DISP3: variants seen among roughly 807,000 people sequenced by gnomAD.
The protein encoded by DISP3 is dispatched RND transporter family member 3.
A neutral mutation model predicts 135.3 loss-of-function variants in DISP3; 101 were observed. The observed-to-expected ratio is 0.75, with a 90% CI of 0.64 to 0.88. The LOEUF is 0.88. Among genes scored for constraint, DISP3 ranks in the 40% least tolerant of loss-of-function variants. The probability of loss-of-function intolerance (pLI) is 0.00; values close to 1 mark genes in which losing one functional copy is unlikely to be tolerated. For synonymous variants in DISP3, 856 were observed against 817.0 expected (o/e 1.05, Z -0.81); for missense variants, 1,713 against 1,878.6 (o/e 0.91, Z 1.63).
chr1:11,519,258 G>A lies in DISP3; in HGVS notation c.1890-97G>A. 1 of 1,405,044 alleles carries A rather than the reference G, an allele frequency of 7.1e-7. No homozygotes were observed. Among genetic ancestry groups the A allele is most frequent in the Non-Finnish European group, 9.8e-7 (1 of 1,021,966 alleles). 87.0% of individuals were successfully genotyped at this position (1,405,044 alleles called of 1,614,324 possible). ...TCCTGTGTGTGACGTCAGCAGCACT[G>A]TGATACCTGGGTTCATCTGATCCTC... On this transcript the variant is annotated intron_variant, in intron 7 of 20. Transcript: ENST00000294484. The surrounding 1 kb of genome is among the most constrained non-coding windows in gnomAD (Gnocchi z 4.3).
At position 11,535,559 on chromosome 1, in the gene DISP3, T is replaced by C; in HGVS notation, c.3731T>C (p.Leu1244Pro). Reference protein sequence around the residue: ...GAVEAISLSILVGSSVDYCVH... With the variant: ...GAVEAISLSIPVGSSVDYCVH... ...GTGGAAGCCATCTCCCTGTCCATCC[T>C]CGTTGGCTCCTCCGTGGATTACTGC... Residue 1244 changes from leucine (L) to proline (P), a missense_variant, in exon 20 of 21, where the codon CTC (leucine) becomes CCC (proline). Physicochemically the swap from Leu to Pro is moderately conservative, Grantham distance 98. This residue lies in a region of DISP3 where 1,142 missense variants were observed against 1,384.6 expected (regional missense o/e 0.82). Coordinates refer to ENST00000294484, the MANE Select transcript of DISP3 (RefSeq NM_020780.2). 1 of 1,613,388 alleles carries C rather than the reference T, an allele frequency of 6.2e-7. No individual in the cohort carries two copies. The highest frequency in any genetic ancestry group is 8.5e-7 in the Non-Finnish European group (1 of 1,179,910).
chr1:11,514,786 C>T (rs978514788), intron 4 of DISP3, among the ~76,000 whole-genome samples: 1 of 152,240 alleles, frequency 6.6e-6, no homozygotes, highest in East Asian at 1.9e-4. Flanking sequence ...GACCATCTTT[C>T]TCCTATTGAT....
Position 11,524,022 on chromosome 1 carries a change from C to G in DISP3, c.2443C>G (p.Pro815Ala). The stretch of plus-strand genomic sequence containing the variant: ...GAAGAAGAGGCGAGGCTCAGGGGTC[C>G]CCTGGGCTAGCCGGCCTGAGGCCAC... Reference protein sequence around the residue: ...LEKKRRGSGVPWASRPEATLQ... With the variant: ...LEKKRRGSGVAWASRPEATLQ... Residue 815 changes from proline (P) to alanine (A), a missense_variant, in exon 11 of 21, where the codon CCC (proline) becomes GCC (alanine). Pro to Ala is a conservative substitution (Grantham distance 27). Around this residue, in one of 2 missense-constraint regions of DISP3, gnomAD observed 1,142 missense variants for 1,384.6 expected, o/e 0.82. Transcript: ENST00000294484. 6.2e-7 allele frequency: 1 copy of G among 1,613,458 alleles called. No individual in the cohort carries two copies. Among genetic ancestry groups the G allele is most frequent in the Non-Finnish European group, 8.5e-7 (1 of 1,179,824 alleles).
rs555865726 is a variant in DISP3 at position 11,488,054 on chromosome 1, G to T, written c.-4+8682G>T. On this transcript the variant is annotated intron_variant, in intron 1 of 20. Coordinates refer to ENST00000294484, the MANE Select transcript of DISP3 (RefSeq NM_020780.2). ...GGATAACACTCCACCATTGAGCAGG[G>T]TGGGGGTGTGAGGGAAGCAGTCTGA... Among the ~76,000 whole-genome samples, 291 of 152,308 alleles carry T rather than the reference G, an allele frequency of 1.9e-3. 1 individual carries two copies. The highest frequency in any genetic ancestry group is 3.0e-3 in the Non-Finnish European group (202 of 68,028).
At chr1:11,507,370 A>G (rs1404175870) in intron 3 of DISP3, among the ~76,000 whole-genome samples, 1 of 152,176 alleles carries the variant, frequency 6.6e-6, no homozygotes, top group Non-Finnish European at 1.5e-5. Context: ...TTTATCTCTC[A>G]AAAGCTGCTA....
rs1570092507 is a variant in DISP3, at chr1:11,502,753, A to G, written c.1172A>G (p.Lys391Arg). Residue 391 changes from lysine to arginine, a missense_variant, in exon 3 of 21, where the codon AAG becomes AGG. Around this residue, in one of 2 missense-constraint regions of DISP3, gnomAD observed 1,142 missense variants for 1,384.6 expected, o/e 0.82. Transcript: ENST00000294484. ...VDEGLSADNL[K>R]SSLLRSEILF... is the part of the protein sequence containing the mutation. Reference sequence around the variant, plus strand: ...GAGGGCCTCTCTGCAGACAATCTGAAGAGCTCCCTCCTGCGCAGTGAGATC... The same window carrying G: ...GAGGGCCTCTCTGCAGACAATCTGAGGAGCTCCCTCCTGCGCAGTGAGATC... 6.2e-7 allele frequency: 1 copy of G among 1,614,164 alleles called. No homozygotes were observed. The highest frequency in any genetic ancestry group is 8.5e-7 in the Non-Finnish European group (1 of 1,180,018).
chr1:11,482,006 T>A (rs1001659171), intron 1 of DISP3: 1 of 152,146 alleles, frequency 6.6e-6, no homozygotes, highest in Admixed American at 6.5e-5. Context: ...CTGGTAGATG[T>A]GTGGTGAATG....
At position 11,484,942 on chromosome 1, in the gene DISP3, CT is replaced by C. The variant is rs1304151944; in HGVS notation, c.-4+5571del. Reference sequence around the variant, plus strand: ...CTCACAAGCATCTGCCTGAGTAGTCCTACTGTGTGCCAGGTGTGGGCTTGTA... The same window carrying C: ...CTCACAAGCATCTGCCTGAGTAGTCCACTGTGTGCCAGGTGTGGGCTTGTA... On this transcript the variant is annotated intron_variant, in intron 1 of 20. Coordinates refer to ENST00000294484, the MANE Select transcript of DISP3 (RefSeq NM_020780.2). Among the ~76,000 whole-genome samples the C allele has an allele frequency of 2.6e-5, 4 of 152,228 alleles. No individual in the cohort carries two copies. The East Asian group carries it at 7.7e-4, about 29-fold the overall frequency.
rs1642118236 is a variant in DISP3 at position 11,519,628 on chromosome 1, C to T, written c.2039-91C>T. The T allele has an allele frequency of 1.3e-6, 2 of 1,570,092 alleles. No homozygotes were observed. Among genetic ancestry groups the T allele is most frequent in the African/African-American group, 1.3e-5 (1 of 74,294 alleles). On this transcript the variant is annotated intron_variant, in intron 8 of 20. Coordinates refer to ENST00000294484, the MANE Select transcript of DISP3 (RefSeq NM_020780.2). This position sits in a 1 kb window ranked among gnomAD's most constrained non-coding sequence, Gnocchi z 4.3. ...CCGGACAAGATGGCCTGTGGGCTTC[C>T]TCACCAGGCATCTGGGCTTCCCTGG... is the stretch of plus-strand genomic sequence containing the variant.
In DISP3 at chr1:11,526,768, G is replaced by C. The variant is rs1316776800; in HGVS notation, c.2731G>C (p.Asp911His). The change falls in exon 13 of 21, where the codon GAT (aspartate) becomes CAT (histidine). Residue 911 changes from aspartate to histidine, a missense_variant. Around this residue, in one of 2 missense-constraint regions of DISP3, gnomAD observed 1,142 missense variants for 1,384.6 expected, o/e 0.82. Transcript: ENST00000294484. ...GTGGATGCTGACGACCTTGGCCTGT[G>C]ATGCCAAGCGGGGCTGGAAGTTTGA... ...RKWMLTTLAC[D>H]AKRGWKFDFS... 1 of 1,613,680 alleles carries C rather than the reference G, an allele frequency of 6.2e-7. No homozygotes were observed.
At position 11,501,328 on chromosome 1, in the gene DISP3, C is replaced by T; in HGVS notation, c.336C>T (p.Asn112=). 1 of 1,614,000 alleles carries T rather than the reference C, an allele frequency of 6.2e-7. No homozygotes were observed. The highest frequency in any genetic ancestry group is 1.3e-5 in the African/African-American group (1 of 75,074). ...CCTACAACGCCTTTGAGATCCGCAA[C>T]CACGAGGCCTCACAGCGTTTCGACG... The part of the protein sequence containing the change: ...DISYNAFEIR[N]HEASQRFDAL... Residue 112 remains asparagine (N), a synonymous_variant, in exon 2 of 21, where the codon AAC becomes AAT. Coordinates refer to ENST00000294484, the MANE Select transcript of DISP3 (RefSeq NM_020780.2). The surrounding 1 kb of genome is among the most constrained non-coding windows in gnomAD (Gnocchi z 4.9).
At position 11,534,506 on chromosome 1, in the gene DISP3, C is replaced by A; in HGVS notation, c.3501C>A (p.Cys1167Ter). The change falls in exon 18 of 21, where the codon TGC becomes TGA. Residue 1167 changes from cysteine to a stop codon, truncating the protein, a stop_gained. Coordinates refer to ENST00000294484, the MANE Select transcript of DISP3 (RefSeq NM_020780.2). LOFTEE classifies it high-confidence loss of function. ...GSVLRRGFQT[C>*]EHWKQIFMEI... ...TCCTGCGCCGGGGCTTCCAGACCTG[C>A]GAGCACTGGAAGCAGATATTCATGG... 1.2e-6 allele frequency: 2 copies of A among 1,612,476 alleles called. No individual in the cohort carries two copies. Among genetic ancestry groups the A allele is most frequent in the Non-Finnish European group, 1.7e-6 (2 of 1,178,912 alleles).
At chr1:11,515,176 G>A (rs1413670097) in intron 4 of DISP3, among the ~76,000 whole-genome samples, 193 bp from the exon 5 acceptor site, 1 of 152,244 alleles carries the variant, frequency 6.6e-6, no homozygotes. Context: ...TCTGCCACTT[G>A]GGCCTCCTGC....
Position 11,525,306 on chromosome 1 carries a change from C to T in DISP3, c.2607C>T (p.Ser869=), listed in dbSNP as rs1642381559. Residue 869 remains serine, a synonymous_variant, in exon 12 of 21, where the codon TCC becomes TCT. Transcript: ENST00000294484. Reference sequence around the variant, plus strand: ...CGCCTGGGGATGGAGAGGTGCCCTCCTTCCAGGTGAGCCTGGGCTGTCGTG... The same window carrying T: ...CGCCTGGGGATGGAGAGGTGCCCTCTTTCCAGGTGAGCCTGGGCTGTCGTG... ...AVSPGDGEVP[S]FQVYRAPFGN... is the part of the protein sequence containing the mutation. 1.2e-6 allele frequency: 2 copies of T among 1,613,070 alleles called. No homozygotes were observed. Among genetic ancestry groups the T allele is most frequent in the South Asian group, 1.1e-5 (1 of 91,070 alleles).
At chr1:11,535,344 T>G (rs926521915) in intron 19 of DISP3, 134 bp from the exon 20 acceptor site, 1 of 1,287,844 alleles carries the variant, frequency 7.8e-7, no homozygotes. Context: ...ACCTGTCCCC[T>G]CCCTCAGGGG....
At chr1:11,494,781 G>A (rs910166193) in intron 1 of DISP3, among the ~76,000 whole-genome samples, 7 of 152,228 alleles carry the variant, frequency 4.6e-5, no homozygotes, top group African/African-American at 7.2e-5. Context: ...ATACATATAC[G>A]TAGTTTAAGT....
rs200566613 is a variant in DISP3, at chr1:11,526,611, C to G, written c.2614-40C>G. On this transcript the variant is annotated intron_variant, in intron 12 of 20. Transcript: ENST00000294484. Reference sequence around the variant, plus strand: ...GGCTGGCCCAGGCCGAGGCAGCCCCCCCGAGTCATGTGTCTTGTCTCTGTC... The same window carrying G: ...GGCTGGCCCAGGCCGAGGCAGCCCCGCCGAGTCATGTGTCTTGTCTCTGTC... 660 of 1,591,582 alleles carry G rather than the reference C, an allele frequency of 4.1e-4. 2 individuals are homozygous for G. Among genetic ancestry groups the G allele is most frequent in the Non-Finnish European group, 4.4e-4 (508 of 1,161,582 alleles).
chr1:11,531,639 G>T lies in DISP3; in HGVS notation c.3304G>T (p.Gly1102Trp). The change falls in exon 17 of 21, where the codon GGG becomes TGG. Residue 1102 changes from glycine (G) to tryptophan (W), a missense_variant. Around this residue, in one of 2 missense-constraint regions of DISP3, gnomAD observed 1,142 missense variants for 1,384.6 expected, o/e 0.82. Transcript: ENST00000294484. The surrounding 1 kb of genome is among the most constrained non-coding windows in gnomAD (Gnocchi z 5.2). ...GCTGCCCGAGCCCAACCTGCTCCCG[G>T]GGCAGCTGTCCCACGGGGCAGTGGG... ...KELPEPNLLP[G>W]QLSHGAVGVR... 2.5e-6 allele frequency: 4 copies of T among 1,613,366 alleles called. No individual in the cohort carries two copies. The highest frequency in any genetic ancestry group is 3.4e-6 in the Non-Finnish European group (4 of 1,179,880).
intron 3 of DISP3, among the ~76,000 whole-genome samples, chr1:11,504,091 A>G (rs1036094538): frequency 1.3e-5 from 2 of 152,130 alleles, no homozygotes; most frequent in African/African-American, 4.8e-5. Flanking sequence ...CATTCCTTCC[A>G]CTGCTTATCC....
Sources: allele counts gnomAD v4.1 joint callset (sites outside exome capture counted in the v4.1 genomes callset), GRCh38; gene constraint gnomAD v4.1.1; regional missense constraint gnomAD v4.1.1; non-coding constraint Gnocchi (gnomAD v3.1); transcripts MANE v1.5; gene names NCBI Gene and HGNC (gene_info 2026-07-23, HGNC 2026-07-21).